Variants in NTMT1 observed in about 807,000 individuals in gnomAD.
The protein encoded by NTMT1 is N-terminal Xaa-Pro-Lys N-methyltransferase 1, also known as N-terminal RCC1 methyltransferase.
A neutral mutation model predicts 17.5 loss-of-function variants in NTMT1; 8 were observed. The observed-to-expected ratio is 0.46, with a 90% confidence interval of 0.27 to 0.82. The LOEUF is 0.82. Among genes scored for constraint, NTMT1 ranks in the 40% least tolerant of loss-of-function variants. The pLI, the probability that NTMT1 is intolerant of heterozygous loss-of-function variation, is 0.15. For missense variants in NTMT1, 221 were observed against 303.5 expected (o/e 0.73, Z 2.02); for synonymous variants, 128 against 126.8 (o/e 1.01, Z -0.06).
chr9:129,625,575 T>C (rs2118912681), upstream of NTMT1, among the ~76,000 whole-genome samples: 1 of 152,266 alleles, frequency 6.6e-6, no homozygotes, highest in African/African-American at 2.4e-5. Context: ...AGTTTTGAGC[T>C]GTAACCTGTG....
chr9:129,621,459 T>G (rs556189412), upstream of NTMT1, among the ~76,000 whole-genome samples: 40 of 152,310 alleles, frequency 2.6e-4, no homozygotes, highest in Non-Finnish European at 1.5e-5. Flanking sequence ...TGGGCTCAAG[T>G]GATCCTCCTG....
chr9:129,616,253 T>C (rs1278552323), intron 1 of NTMT1, among the ~76,000 whole-genome samples: 1 of 152,234 alleles, frequency 6.6e-6, no homozygotes, highest in South Asian at 2.1e-4. Context: ...TCTCGCTCTG[T>C]GGCTCAGGCT....
At chr9:129,619,399 G>A (rs1830557847) in intron 1 of NTMT1, 1 of 742,508 alleles carries the variant, frequency 1.3e-6, no homozygotes, top group Non-Finnish European at 2.3e-6. Flanking sequence ...CCATATGTAA[G>A]GATGGATGAA....
At chr9:129,618,868 G>GT (rs34259203) in intron 1 of NTMT1, among the ~76,000 whole-genome samples, 1,942 of 128,250 alleles carry the variant, frequency 0.015, 33 homozygotes, top group African/African-American at 0.042. Flanking sequence ...AATTTTTTGT[G>GT]TTTTTTTTTT....
intron 1 of NTMT1, among the ~76,000 whole-genome samples, chr9:129,629,279 C>G (rs1271712182): frequency 6.6e-6 from 1 of 152,218 alleles, no homozygotes; most frequent in Non-Finnish European, 1.5e-5. Context: ...ATAGCAGCCA[C>G]CAAACCCAGC....
At position 129,620,561 on chromosome 9, in the gene NTMT1, C is replaced by T. The variant is rs988587428; in HGVS notation, c.-55+11383C>T. On this transcript the variant is annotated intron_variant, in intron 1 of 3. Transcript: ENST00000372486. The surrounding 1 kb of genome is among the most constrained non-coding windows in gnomAD (Gnocchi z 5.8). Reference sequence around the variant, plus strand: ...CAGGTCCTGGGCCCCTGGGCGAAGTCGACGCCAGAACATGCTTGGCCCCGC... The same window carrying T: ...CAGGTCCTGGGCCCCTGGGCGAAGTTGACGCCAGAACATGCTTGGCCCCGC... 2 of 1,378,108 alleles carry T rather than the reference C, an allele frequency of 1.5e-6. No individual in the cohort carries two copies. Among genetic ancestry groups the T allele is most frequent in the South Asian group, 3.4e-5 (2 of 58,518 alleles). The allele number at this position is 1,378,108 out of a possible 1,614,324, so 85.4% of individuals were successfully genotyped here.
At position 129,620,659 on chromosome 9, in the gene NTMT1, C is replaced by G; in HGVS notation, c.-55+11481C>G. On this transcript the variant is annotated intron_variant, in intron 1 of 3. Coordinates refer to the NTMT1 transcript ENST00000372486. This position sits in a 1 kb window ranked among gnomAD's most constrained non-coding sequence, Gnocchi z 5.8. The stretch of plus-strand genomic sequence containing the variant: ...GAGGTGGGGAGGGCATAGTCCAGCC[C>G]CAGGCCATAGTGCCCCGGGCGGGGC... The G allele has an allele frequency of 8.3e-7, 1 of 1,209,664 alleles. No homozygotes were observed. The highest frequency in any genetic ancestry group is 1.0e-6 in the Non-Finnish European group (1 of 963,054). The allele number at this position is 1,209,664 out of a possible 1,614,324, so 74.9% of individuals were successfully genotyped here.
Position 129,615,567 on chromosome 9 carries a change from C to T in NTMT1, c.-55+6389C>T, listed in dbSNP as rs775711780. ...TCGCACCCGGAAAGGGCAACGCTGC[C>T]TGCAGGGCCTAGAGCCTTCCCCCGA... is the stretch of plus-strand genomic sequence containing the variant. On this transcript the variant is annotated intron_variant, in intron 1 of 3. Coordinates refer to the NTMT1 transcript ENST00000372486. 7.5e-6 allele frequency: 12 copies of T among 1,609,656 alleles called. 1 individual carries two copies. In the South Asian group the frequency reaches 1.2e-4, roughly 16 times the overall value.
intron 2 of NTMT1, chr9:129,633,114 A>T (rs911936009): frequency 4.5e-5 from 23 of 515,056 alleles, no homozygotes; most frequent in Non-Finnish European, 7.5e-5. Flanking sequence ...GAATTGGGCA[A>T]ACCTCTCTTC....
intron 1 of NTMT1, among the ~76,000 whole-genome samples, chr9:129,627,722 T>G (rs1396584780): frequency 1.3e-5 from 2 of 152,214 alleles, no homozygotes; most frequent in Admixed American, 6.5e-5. Context: ...CTCACTTCCT[T>G]CTTTTTCTTA....
chr9:129,632,533 T>C (rs926965476), intron 1 of NTMT1, 117 bp from the exon 2 acceptor site: 1 of 704,986 alleles, frequency 1.4e-6, no homozygotes. Flanking sequence ...CCTGGACTTC[T>C]CTCTGCACTC....
In NTMT1 at chr9:129,613,063, G is replaced by A; in HGVS notation, c.-55+3885G>A. On this transcript the variant is annotated intron_variant, in intron 1 of 3. Coordinates refer to the NTMT1 transcript ENST00000372486. This position sits in a 1 kb window ranked among gnomAD's most constrained non-coding sequence, Gnocchi z 6.2. Reference sequence around the variant, plus strand: ...TGCTCCCGGAGCCAGCTGCCAGCAGGGGCTCACCAGCTTCTAGGTCCAGGA... The same window carrying A: ...TGCTCCCGGAGCCAGCTGCCAGCAGAGGCTCACCAGCTTCTAGGTCCAGGA... 1 of 1,610,690 alleles carries A rather than the reference G, an allele frequency of 6.2e-7. No individual in the cohort carries two copies. Among genetic ancestry groups the A allele is most frequent in the Non-Finnish European group, 8.5e-7 (1 of 1,179,454 alleles).
rs1299339268 is a variant in NTMT1 at position 129,614,375 on chromosome 9, A to T, written c.-55+5197A>T. Among the ~76,000 whole-genome samples the T allele has an allele frequency of 6.6e-6, 1 of 152,214 alleles. No homozygotes were observed. The highest frequency in any genetic ancestry group is 2.4e-5 in the African/African-American group (1 of 41,456). ...CGTCAGATCCCTCCCAAATCAGCGAAGGTCCTAGGTTTGCAGGGCATCGCC... is the reference window on the plus strand; with the variant it reads ...CGTCAGATCCCTCCCAAATCAGCGATGGTCCTAGGTTTGCAGGGCATCGCC... On this transcript the variant is annotated intron_variant, in intron 1 of 3. Coordinates refer to the NTMT1 transcript ENST00000372486. This position sits in a 1 kb window ranked among gnomAD's most constrained non-coding sequence, Gnocchi z 4.4.
At chr9:129,628,038 A>G (rs1217551143) in intron 1 of NTMT1, among the ~76,000 whole-genome samples, 1 of 152,212 alleles carries the variant, frequency 6.6e-6, no homozygotes, top group Non-Finnish European at 1.5e-5. Context: ...GCAGCCATTT[A>G]CCAGGCATGA....
At chr9:129,617,526 A>T (rs192779247) in intron 1 of NTMT1, among the ~76,000 whole-genome samples, 204 of 152,352 alleles carry the variant, frequency 1.3e-3, no homozygotes, top group Non-Finnish European at 2.1e-3. Flanking sequence ...TTGCTCTTGA[A>T]TGTGAAAGTC....
chr9:129,613,022 C>G lies in NTMT1; in HGVS notation c.-55+3844C>G. On this transcript the variant is annotated intron_variant, in intron 1 of 3. Coordinates refer to the NTMT1 transcript ENST00000372486. This position sits in a 1 kb window ranked among gnomAD's most constrained non-coding sequence, Gnocchi z 6.2. ...GAGGGTCCACTCCCAGCCCCAGCCA[C>G]TCCACCAAACAGGGCTGCTCCCGGA... 1 of 1,565,336 alleles carries G rather than the reference C, an allele frequency of 6.4e-7. No individual in the cohort carries two copies.
chr9:129,620,733 T>A lies in NTMT1; in HGVS notation c.-55+11555T>A, dbSNP rs911667781. On this transcript the variant is annotated intron_variant, in intron 1 of 3. Coordinates refer to the NTMT1 transcript ENST00000372486. This position sits in a 1 kb window ranked among gnomAD's most constrained non-coding sequence, Gnocchi z 5.8. ...CCGGCCCGGCGGACAGCGAGTGGCT[T>A]CAGGCGAGAGCTCCCAGAGCCTCTG... 1.2e-5 allele frequency: 7 copies of A among 596,460 alleles called. No individual in the cohort carries two copies. The highest frequency in any genetic ancestry group is 1.7e-5 in the Non-Finnish European group (7 of 408,412). 36.9% of individuals were successfully genotyped at this position (596,460 alleles called of 1,614,324 possible). A position where few individuals can be genotyped will look rare whatever the true frequency, so the allele number is the denominator to read the frequency against.
chr9:129,612,704 C>G (rs557479405), intron 1 of NTMT1, among the ~76,000 whole-genome samples: 213 of 152,332 alleles, frequency 1.4e-3, no homozygotes, highest in African/African-American at 5.0e-3. Context: ...ATAGTGAAAC[C>G]CTGTCTCTAC....
intron 1 of NTMT1, among the ~76,000 whole-genome samples, chr9:129,617,667 G>A (rs534970437): frequency 1.3e-5 from 2 of 151,936 alleles, no homozygotes; most frequent in South Asian, 4.2e-4. Flanking sequence ...GTTGGTAAAT[G>A]TGTTTCACTG....
Sources: gnomAD v4.1 joint callset for allele counts (sites outside exome capture counted in the v4.1 genomes callset) on GRCh38, gnomAD v4.1.1 for gene constraint, Gnocchi (gnomAD v3.1) non-coding constraint, MANE v1.5 for transcripts, NCBI Gene and HGNC (gene_info 2026-07-23, HGNC 2026-07-21) for gene names.